TNFSF11: variants seen among roughly 807,000 people sequenced by gnomAD.
TNFSF11 encodes the protein tumor necrosis factor ligand superfamily member 11.
In TNFSF11, 12 loss-of-function variants were observed where a neutral mutation model predicts 32.2. The ratio of observed to expected loss-of-function variants is 0.37; its 90% CI spans 0.24 to 0.60. TNFSF11 has a LOEUF of 0.60. Among genes scored for constraint, TNFSF11 ranks in the 20% least tolerant of loss-of-function variants. TNFSF11 has a pLI of 0.66. For missense variants in TNFSF11, 345 were observed against 398.0 expected, an observed-to-expected ratio of 0.87 and a Z score of 1.13; for synonymous variants, 172 against 152.1, an observed-to-expected ratio of 1.13 and a Z score of -0.96.
intron 4 of TNFSF11, among the ~76,000 whole-genome samples, chr13:42,605,537 A>ATAT (rs1869407375): frequency 6.6e-6 from 1 of 152,174 alleles, no homozygotes; most frequent in African/African-American, 2.4e-5. Context: ...AATACACCAA[A>ATAT]GGACCTGAAA....
chr13:42,569,931 T>C (rs1338295320), upstream of TNFSF11, among the ~76,000 whole-genome samples: 1 of 152,052 alleles, frequency 6.6e-6, no homozygotes, highest in African/African-American at 2.4e-5. Context: ...TTTTTGAAAA[T>C]CTGTTTTTTT....
chr13:42,605,582 G>A (rs1345614737), intron 4 of TNFSF11, among the ~76,000 whole-genome samples: 3 of 137,692 alleles, frequency 2.2e-5, no homozygotes, highest in Non-Finnish European at 3.4e-5. Context: ...TGGTTTAGAA[G>A]GTTCTTTAGA....
chr13:42,604,276 T>A (rs556378811), intron 4 of TNFSF11, among the ~76,000 whole-genome samples: 13 of 152,334 alleles, frequency 8.5e-5, no homozygotes, highest in African/African-American at 2.9e-4. Context: ...GAGGAATTGC[T>A]TTTACTAGTG....
intron 2 of TNFSF11, among the ~76,000 whole-genome samples, chr13:42,587,914 C>T (rs1434994423): frequency 2.0e-5 from 3 of 152,124 alleles, no homozygotes; most frequent in African/African-American, 4.8e-5. Flanking sequence ...TTATATGCCA[C>T]TATTTCTCAT....
At chr13:42,564,901 G>A (rs997680706) in intron 1 of TNFSF11, among the ~76,000 whole-genome samples, 1 of 152,126 alleles carries the variant, frequency 6.6e-6, no homozygotes, top group African/African-American at 2.4e-5. Context: ...TCATACACTA[G>A]AAGATCTCTC....
intron 1 of TNFSF11, among the ~76,000 whole-genome samples, chr13:42,579,376 T>G (rs1566376086): frequency 7.1e-6 from 1 of 141,452 alleles, no homozygotes; most frequent in African/African-American, 2.7e-5. Context: ...GCCACTGCAC[T>G]CCAGCCTGGG....
chr13:42,565,537 T>C (rs1019444584), intron 1 of TNFSF11, among the ~76,000 whole-genome samples: 2 of 152,194 alleles, frequency 1.3e-5, no homozygotes, highest in African/African-American at 4.8e-5. Flanking sequence ...ACATGTTTGT[T>C]GAATGACTAA....
intron 2 of TNFSF11, among the ~76,000 whole-genome samples, chr13:42,594,287 G>T (rs1226477728): frequency 6.6e-6 from 1 of 151,676 alleles, no homozygotes; most frequent in Non-Finnish European, 1.5e-5. Flanking sequence ...TTGCTGTATT[G>T]GCCAGGCTGG....
chr13:42,600,096 C>T (rs1459753563), intron 2 of TNFSF11, among the ~76,000 whole-genome samples: 1 of 152,134 alleles, frequency 6.6e-6, no homozygotes, highest in Non-Finnish European at 1.5e-5. Flanking sequence ...ATCCTTTATT[C>T]TCAGGGTTCA....
At chr13:42,585,111 A>G (rs73174438) in intron 2 of TNFSF11, among the ~76,000 whole-genome samples, 2,467 of 152,334 alleles carry the variant, frequency 0.016, 24 homozygotes, top group Non-Finnish European at 0.028. Context: ...TGTTTGCCAA[A>G]TGTGTTATCC....
At chr13:42,581,824 C>T (rs1025483128) in intron 2 of TNFSF11, among the ~76,000 whole-genome samples, 1 of 152,166 alleles carries the variant, frequency 6.6e-6, no homozygotes, top group African/African-American at 2.4e-5. Context: ...ATTCTGTGTC[C>T]GTGTTCTCAT....
At chr13:42,597,226 T>TTCTG (rs1363366263) in intron 2 of TNFSF11, among the ~76,000 whole-genome samples, 1 of 152,162 alleles carries the variant, frequency 6.6e-6, no homozygotes, top group Non-Finnish European at 1.5e-5. Context: ...CCTATAAGGT[T>TTCTG]TCTGAGGGGA....
intron 2 of TNFSF11, among the ~76,000 whole-genome samples, chr13:42,600,429 T>G (rs1027725548): frequency 2.0e-5 from 3 of 152,232 alleles, no homozygotes; most frequent in Admixed American, 2.0e-4. Flanking sequence ...TAACTTCATC[T>G]CCATTTGTGT....
chr13:42,599,341 C>CATG (rs1566387247), intron 2 of TNFSF11, among the ~76,000 whole-genome samples: 1 of 92,264 alleles, frequency 1.1e-5, no homozygotes, highest in Non-Finnish European at 2.2e-5. Context: ...ATCTATCTAT[C>CATG]TATCTATCAT....
intron 2 of TNFSF11, among the ~76,000 whole-genome samples, chr13:42,587,765 A>G (rs369505564): frequency 1.3e-5 from 2 of 152,384 alleles, no homozygotes; most frequent in African/African-American, 2.4e-5. Context: ...TGTTTTCTAC[A>G]TATGGGAAAC....
intron 1 of TNFSF11, among the ~76,000 whole-genome samples, chr13:42,579,561 CT>C (rs1468882106): frequency 6.6e-6 from 1 of 152,150 alleles, no homozygotes; most frequent in African/African-American, 2.4e-5. Flanking sequence ...CACATTATTC[CT>C]TTGGCTCAGC....
At chr13:42,602,679 C>T (rs1385751674) in intron 4 of TNFSF11, among the ~76,000 whole-genome samples, 2 of 152,146 alleles carry the variant, frequency 1.3e-5, no homozygotes, top group African/African-American at 4.8e-5. Flanking sequence ...CAAAGGCAAT[C>T]AAATAAATAT....
chr13:42,585,692 C>T (rs1165154851), intron 2 of TNFSF11, among the ~76,000 whole-genome samples: 5 of 152,180 alleles, frequency 3.3e-5, no homozygotes, highest in African/African-American at 9.6e-5. Flanking sequence ...CAGATCCAAA[C>T]GAGGACTCCC....
chr13:42,587,994 A>C (rs1334504299), intron 2 of TNFSF11, among the ~76,000 whole-genome samples: 6 of 152,360 alleles, frequency 3.9e-5, no homozygotes, highest in Non-Finnish European at 7.3e-5. Flanking sequence ...TTTGTATACA[A>C]GAGTATGTGT....
Sources: gnomAD v4.1 joint callset for allele counts (sites outside exome capture counted in the v4.1 genomes callset) on GRCh38, gnomAD v4.1.1 for gene constraint, MANE v1.5 for transcripts, NCBI Gene and HGNC (gene_info 2026-07-23, HGNC 2026-07-21) for gene names.